The following PTPRT variants were observed in gnomAD, a reference collection of about 807,000 sequenced individuals.
PTPRT encodes protein tyrosine phosphatase receptor type T.
PTPRT carries 56 observed loss-of-function variants against 176.8 expected under a neutral mutation model. That is an observed-to-expected ratio of 0.32 (90% CI 0.26 to 0.40). The LOEUF is 0.40. Ranked by LOEUF, PTPRT falls within the 10% of genes least tolerant of loss-of-function variation. The pLI is 1.00. For synonymous variants in PTPRT, 783 were observed against 739.0 expected (o/e 1.06, Z -0.96); for missense variants, 1,540 against 1,908.2 (o/e 0.81, Z 3.60).
Position 42,539,400 on chromosome 20 carries a change from C to T in PTPRT, c.1154-66838G>A, listed in dbSNP as rs1393533834. On this transcript the variant is annotated intron_variant, in intron 7 of 30. Coordinates refer to ENST00000373187, the MANE Select transcript of PTPRT (RefSeq NM_007050.6). ...TTTTGTGGTAATCGCAGGGTTGGGC[C>T]TGGTTAGTACTTGAATGGGAAACCA... Among the ~76,000 whole-genome samples, 3 of 149,914 alleles carry T rather than the reference C, an allele frequency of 2.0e-5. No homozygotes were observed. In the East Asian group the frequency reaches 5.9e-4, roughly 29 times the overall value.
intron 7 of PTPRT, among the ~76,000 whole-genome samples, chr20:42,667,391 G>A (rs1172833836): frequency 6.6e-6 from 1 of 152,134 alleles, no homozygotes; most frequent in East Asian, 1.9e-4. Flanking sequence ...AACACTATAA[G>A]CCTTGCATAC....
At chr20:42,102,020 GC>G in intron 26 of PTPRT, 103 bp downstream of exon 26, 3 of 1,355,212 alleles carry the variant, frequency 2.2e-6, no homozygotes, top group Non-Finnish European at 3.1e-6. Context: ...AGCAGGGGGG[GC>G]TGGCTGGTGG....
At chr20:42,279,385 C>T (rs1157066216) in intron 13 of PTPRT, among the ~76,000 whole-genome samples, 4 of 151,934 alleles carry the variant, frequency 2.6e-5, no homozygotes, top group African/African-American at 9.7e-5. Context: ...TTCCAAAAGC[C>T]AAGAAATGCC....
chr20:42,289,562 A>G (rs2057285896), intron 12 of PTPRT, among the ~76,000 whole-genome samples: 1 of 152,156 alleles, frequency 6.6e-6, no homozygotes. Context: ...GGAGAAATGC[A>G]AATCAAAACA....
intron 8 of PTPRT, among the ~76,000 whole-genome samples, chr20:42,459,448 G>A (rs928869551): frequency 3.3e-5 from 5 of 152,202 alleles, no homozygotes; most frequent in African/African-American, 1.2e-4. Flanking sequence ...AGAAAAGAAT[G>A]CAGCGGCCAG....
chr20:43,188,236 AT>A (rs1476860784), intron 1 of PTPRT, among the ~76,000 whole-genome samples: 1 of 152,076 alleles, frequency 6.6e-6, no homozygotes, highest in Non-Finnish European at 1.5e-5. Context: ...ATTGTGCACC[AT>A]CTTTAGAATG....
intron 1 of PTPRT, among the ~76,000 whole-genome samples, chr20:43,075,123 C>G (rs555482059): frequency 6.6e-6 from 1 of 152,314 alleles, no homozygotes; most frequent in Non-Finnish European, 1.5e-5. Context: ...CTTTCCGGCA[C>G]TAAACAGCAG....
intron 10 of PTPRT, 122 bp from the exon 11 acceptor site, chr20:42,350,852 T>C (rs1465008806): frequency 6.8e-6 from 5 of 738,764 alleles, no homozygotes; most frequent in African/African-American, 1.7e-5. Context: ...AGGAAAGGGG[T>C]TGGATAAGAA....
chr20:42,586,424 T>C (rs2145741219), intron 7 of PTPRT, among the ~76,000 whole-genome samples: 1 of 152,290 alleles, frequency 6.6e-6, no homozygotes. Flanking sequence ...GTTCACAAAG[T>C]ACATTTCTAC....
At chr20:42,202,231 A>G (rs1377000374) in intron 15 of PTPRT, among the ~76,000 whole-genome samples, 3 of 152,162 alleles carry the variant, frequency 2.0e-5, no homozygotes, top group Non-Finnish European at 4.4e-5. Flanking sequence ...TGGCCTCCCA[A>G]AGTGCTAGGA....
At chr20:43,003,632 T>C (rs1366479991) in intron 1 of PTPRT, among the ~76,000 whole-genome samples, 4 of 152,230 alleles carry the variant, frequency 2.6e-5, no homozygotes, top group Non-Finnish European at 5.9e-5. Context: ...GCAATACAGA[T>C]TTTTAAAAAC....
intron 6 of PTPRT, among the ~76,000 whole-genome samples, chr20:42,705,315 C>A (rs2076036919): frequency 1.3e-5 from 2 of 151,808 alleles, no homozygotes; most frequent in Non-Finnish European, 2.9e-5. Flanking sequence ...TGGGCTGAGT[C>A]CGAGAAAGGA....
chr20:42,774,146 C>G, intron 4 of PTPRT, among the ~76,000 whole-genome samples: 1 of 152,170 alleles, frequency 6.6e-6, no homozygotes, highest in East Asian at 1.9e-4. Context: ...AACGCATGCA[C>G]CTACAAGAGC....
In PTPRT at chr20:42,331,804, A is replaced by G. The variant is rs1568781978; in HGVS notation, c.1866-15808T>C. 2.0e-5 allele frequency among the ~76,000 whole-genome samples: 3 copies of G among 152,166 alleles called. No individual in the cohort carries two copies. The South Asian group carries it at 6.2e-4, about 32-fold the overall frequency. ...CAGGTTCACCGTGATATTCTTATAT[A>G]TACCAAATTCCAGAGATGTCCTTTG... On this transcript the variant is annotated intron_variant, in intron 11 of 30. Coordinates refer to ENST00000373187, the MANE Select transcript of PTPRT (RefSeq NM_007050.6).
intron 1 of PTPRT, among the ~76,000 whole-genome samples, chr20:43,125,115 C>T (rs6072985): frequency 0.48 from 72,879 of 151,234 alleles, 19,092 homozygotes; most frequent in Non-Finnish European, 0.6. Context: ...CCTGCCCCAA[C>T]CTCCCAAGTA....
chr20:43,188,886 C>T (rs1464390661), intron 1 of PTPRT, among the ~76,000 whole-genome samples: 4 of 151,840 alleles, frequency 2.6e-5, no homozygotes, highest in Non-Finnish European at 5.9e-5. Context: ...CGCCCCCGCT[C>T]CCCCTACTCT....
chr20:42,750,520 A>T (rs2076755487), intron 6 of PTPRT, among the ~76,000 whole-genome samples: 1 of 152,144 alleles, frequency 6.6e-6, no homozygotes, highest in African/African-American at 2.4e-5. Flanking sequence ...TAGAACAATA[A>T]TCCCTACTCT....
chr20:42,796,488 T>G (rs547571361), intron 2 of PTPRT, among the ~76,000 whole-genome samples: 27 of 152,300 alleles, frequency 1.8e-4, no homozygotes, highest in African/African-American at 6.3e-4. Context: ...ACAAGTAACT[T>G]GGCCAAGGTC....
chr20:42,389,084 C>T (rs2058773581), intron 9 of PTPRT, among the ~76,000 whole-genome samples: 1 of 147,060 alleles, frequency 6.8e-6, no homozygotes, highest in African/African-American at 2.5e-5. Context: ...AATGAGAACA[C>T]TCGGACACAG....
Sources: gnomAD v4.1 joint callset for allele counts (sites outside exome capture counted in the v4.1 genomes callset) on GRCh38, gnomAD v4.1.1 for gene constraint, MANE v1.5 for transcripts, NCBI Gene and HGNC (gene_info 2026-07-23, HGNC 2026-07-21) for gene names.